Variants in EVC2 observed in about 807,000 individuals in gnomAD.
EVC2 encodes limbin.
EVC2 carries 148 observed loss-of-function variants against 149.3 expected under a neutral mutation model. The ratio of observed to expected loss-of-function variants is 0.99; its 90% CI spans 0.87 to 1.14. The LOEUF is 1.14. Ranked by LOEUF, EVC2 falls within the 50% of genes most tolerant of loss-of-function variation. EVC2 has a pLI of 0.00. For synonymous variants in EVC2, 776 were observed against 649.9 expected, an observed-to-expected ratio of 1.19 and a Z score of -2.95; for missense variants, 1,854 against 1,627.3, an observed-to-expected ratio of 1.14 and a Z score of -2.40.
At chr4:5,554,996 T>G (rs1721807150) in intron 21 of EVC2, among the ~76,000 whole-genome samples, 1 of 147,658 alleles carries the variant, frequency 6.8e-6, no homozygotes, top group African/African-American at 2.6e-5. Context: ...TTAATTGCAT[T>G]AGATAACTAG....
chr4:5,698,128 A>G (rs116045839), intron 1 of EVC2, among the ~76,000 whole-genome samples: 2,192 of 152,252 alleles, frequency 0.014, 54 homozygotes, highest in African/African-American at 0.05. Context: ...TGAGTAAAGA[A>G]TTCCCTTCTC....
At chr4:5,671,151 A>G (rs1053413393) in intron 7 of EVC2, among the ~76,000 whole-genome samples, 2 of 150,854 alleles carry the variant, frequency 1.3e-5, no homozygotes, top group Non-Finnish European at 2.9e-5. Context: ...CACTTTATAA[A>G]TTATAATGTC....
chr4:5,631,855 A>G lies in EVC2; in HGVS notation c.1648T>C (p.Phe550Leu). The change falls in exon 11 of 22, where the codon TTC (phenylalanine) becomes CTC (leucine). Residue 550 changes from phenylalanine (F) to leucine (L), a missense_variant. Coordinates refer to ENST00000344408, the MANE Select transcript of EVC2 (RefSeq NM_147127.5). ...IFFTQIKSAI[F>L]KGELKPEAAK... ...GCCTCTGGTTTCAATTCCCCTTTGA[A>G]AATAGCACTTTTTATCTGGGTAAAA... 1 of 1,614,246 alleles carries G rather than the reference A, an allele frequency of 6.2e-7. No individual in the cohort carries two copies. Among genetic ancestry groups the G allele is most frequent in the African/African-American group, 1.3e-5 (1 of 75,074 alleles).
chr4:5,659,694 T>C (rs371109313), intron 9 of EVC2, among the ~76,000 whole-genome samples: 12 of 152,334 alleles, frequency 7.9e-5, no homozygotes, highest in African/African-American at 2.9e-4. Flanking sequence ...ATTCCTATTG[T>C]ACTCAAGCAT....
chr4:5,632,111 A>G, intron 10 of EVC2, 79 bp from the exon 11 acceptor site: 4 of 1,577,232 alleles, frequency 2.5e-6, no homozygotes, highest in Non-Finnish European at 3.4e-6. Context: ...CAATGTGTAC[A>G]GGCACATGTG....
intron 19 of EVC2, among the ~76,000 whole-genome samples, chr4:5,573,187 T>A (rs998900663): frequency 6.6e-6 from 1 of 152,110 alleles, no homozygotes; most frequent in African/African-American, 2.4e-5. Context: ...CCCCAAAATG[T>A]CCCATCCTGG....
intron 7 of EVC2, among the ~76,000 whole-genome samples, chr4:5,668,679 A>C (rs1398099114): frequency 2.0e-5 from 3 of 152,252 alleles, no homozygotes; most frequent in African/African-American, 7.2e-5. Context: ...ATCTGTTTTC[A>C]AGATTTTTAA....
chr4:5,652,415 C>G (rs1313166901), intron 9 of EVC2, among the ~76,000 whole-genome samples: 1 of 152,208 alleles, frequency 6.6e-6, no homozygotes, highest in East Asian at 1.9e-4. Flanking sequence ...AGCTGCCCAG[C>G]ACTGAGATGG....
rs369357769 is a variant in EVC2, at chr4:5,663,135, G to A, written c.1117C>T (p.Pro373Ser). Residue 373 changes from proline (P) to serine (S), a missense_variant, in exon 9 of 22, where the codon CCT (proline) becomes TCT (serine). Coordinates refer to ENST00000344408, the MANE Select transcript of EVC2 (RefSeq NM_147127.5). The part of the protein sequence containing the change: ...QMIDILSSED[P>S]GSMLQALEEL... ...TCTAAGGCTTGAAGCATGCTCCCAG[G>A]GTCCTCGGAAGACAGAATGTCTATC... 3.7e-6 allele frequency: 6 copies of A among 1,614,114 alleles called. No individual in the cohort carries two copies. The highest frequency in any genetic ancestry group is 2.7e-5 in the African/African-American group (2 of 75,010).
At position 5,631,826 on chromosome 4, in the gene EVC2, A is replaced by G. The variant is rs761646676; in HGVS notation, c.1677T>C (p.Ala559=). The G allele has an allele frequency of 1.7e-5, 28 of 1,614,114 alleles. No homozygotes were observed. The highest frequency in any genetic ancestry group is 1.7e-4 in the Middle Eastern group (1 of 6,060). ...TAGAATAATTTTGCAGCAGCATTTT[A>G]GCTGCCTCTGGTTTCAATTCCCCTT... The part of the protein sequence containing the change: ...IFKGELKPEA[A]KMLLQNYSKI... Residue 559 remains alanine (A), a synonymous_variant, in exon 11 of 22, where the codon GCT becomes GCC. Transcript: ENST00000344408.
intron 16 of EVC2, among the ~76,000 whole-genome samples, chr4:5,586,342 G>A (rs779699268): frequency 6.6e-6 from 1 of 151,974 alleles, no homozygotes; most frequent in Non-Finnish European, 1.5e-5. Flanking sequence ...ACTTATCCCA[G>A]GGTACCTTCA....
At chr4:5,560,768 C>T (rs1172078981), downstream of EVC2, among the ~76,000 whole-genome samples, 3 of 152,090 alleles carry the variant, frequency 2.0e-5, no homozygotes, top group Non-Finnish European at 2.9e-5. This position sits in a 1 kb window ranked among gnomAD's most constrained non-coding sequence, Gnocchi z 4.1. Context: ...CTCTTTACAA[C>T]GTCCCTACTG....
chr4:5,680,437 AT>A (rs1188206344), intron 7 of EVC2, among the ~76,000 whole-genome samples: 1 of 152,108 alleles, frequency 6.6e-6, no homozygotes, highest in African/African-American at 2.4e-5. Context: ...GGTGACAGGA[AT>A]TTTTCAGCTG....
chr4:5,687,620 C>A (rs527643185), intron 5 of EVC2, among the ~76,000 whole-genome samples: 23 of 152,210 alleles, frequency 1.5e-4, no homozygotes, highest in African/African-American at 5.5e-4. Flanking sequence ...GAAAAGGTGA[C>A]ACCAGGGCCA....
intron 9 of EVC2, among the ~76,000 whole-genome samples, chr4:5,650,624 TATATATATATATATAGAGAGAG>T (rs1386106780): frequency 9.4e-5 from 8 of 84,658 alleles, no homozygotes; most frequent in African/African-American, 2.5e-4. Context: ...TATATATATA[TATATATATATATATAGAGAGAG>T]AGAGAGAGAG....
At chr4:5,669,972 G>A (rs1436582618) in intron 7 of EVC2, among the ~76,000 whole-genome samples, 2 of 152,116 alleles carry the variant, frequency 1.3e-5, no homozygotes, top group African/African-American at 4.8e-5. Flanking sequence ...AGCAAACCTA[G>A]GTAGAGCCTA....
intron 21 of EVC2, among the ~76,000 whole-genome samples, chr4:5,555,569 A>G (rs1274916444): frequency 1.3e-5 from 2 of 152,238 alleles, no homozygotes; most frequent in Non-Finnish European, 2.9e-5. Flanking sequence ...AGAAGGGAAT[A>G]CATATGGTAA....
intron 1 of EVC2, among the ~76,000 whole-genome samples, chr4:5,707,257 T>C (rs1423720203): frequency 6.6e-6 from 1 of 152,126 alleles, no homozygotes; most frequent in Non-Finnish European, 1.5e-5. Context: ...GACACTGACA[T>C]GGCGTTTTTC....
downstream of EVC2, among the ~76,000 whole-genome samples, chr4:5,541,681 G>A (rs187335802): frequency 2.6e-5 from 4 of 152,238 alleles, no homozygotes; most frequent in East Asian, 1.9e-4. Context: ...CCCAGGCCTC[G>A]CAGTGCCTCT....
Sources: gnomAD v4.1 joint callset for allele counts (sites outside exome capture counted in the v4.1 genomes callset) on GRCh38, gnomAD v4.1.1 for gene constraint, Gnocchi (gnomAD v3.1) non-coding constraint, MANE v1.5 for transcripts, NCBI Gene and HGNC (gene_info 2026-07-23, HGNC 2026-07-21) for gene names.